TPD52L2: variants seen among roughly 807,000 people sequenced by gnomAD.
TPD52L2 encodes the protein tumor protein D54.
TPD52L2 carries 19 observed loss-of-function variants against 24.7 expected under a neutral mutation model. That is an observed-to-expected ratio of 0.77 (90% CI 0.54 to 1.13). TPD52L2 has a LOEUF of 1.13. Ranked by LOEUF, TPD52L2 falls within the 50% of genes most tolerant of loss-of-function variation. The pLI is 0.00. For synonymous variants in TPD52L2, 104 were observed against 100.2 expected (o/e 1.04, Z -0.23); for missense variants, 236 against 250.4 (o/e 0.94, Z 0.39).
intron 5 of TPD52L2, 77 bp downstream of exon 5, chr20:63,882,897 C>A: frequency 8.6e-7 from 1 of 1,168,408 alleles, no homozygotes; most frequent in Non-Finnish European, 1.2e-6. Context: ...CTACAGGAAG[C>A]CTGCCTGGAG....
rs763250438 is a variant in TPD52L2, at chr20:63,869,323, G to T, written c.47G>T (p.Gly16Val). The change falls in exon 2 of 7, where the codon GGT becomes GTT. Residue 16 changes from glycine to valine, a missense_variant. Transcript: ENST00000346249. ...QDINLNSPNK[G>V]LLSDSMTDVP... ...ATCAACCTGAATTCTCCTAACAAAGGTCTGCTGTCTGACTCCATGACGGAT... is the reference window on the plus strand; with the variant it reads ...ATCAACCTGAATTCTCCTAACAAAGTTCTGCTGTCTGACTCCATGACGGAT... 6.2e-7 allele frequency: 1 copy of T among 1,614,200 alleles called. No homozygotes were observed. The highest frequency in any genetic ancestry group is 8.5e-7 in the Non-Finnish European group (1 of 1,180,046).
intron 1 of TPD52L2, among the ~76,000 whole-genome samples, chr20:63,868,741 G>A (rs559071944): frequency 2.0e-5 from 3 of 152,330 alleles, no homozygotes; most frequent in African/African-American, 7.2e-5. Flanking sequence ...GTCGGGAATT[G>A]GAGACCAGCC....
At chr20:63,875,754 A>T in intron 3 of TPD52L2, 62 bp from the exon 4 acceptor site, 1 of 1,542,166 alleles carries the variant, frequency 6.5e-7, no homozygotes, top group Non-Finnish European at 9.0e-7. Flanking sequence ...CTTCACCTGC[A>T]GTTTGATGCC....
intron 5 of TPD52L2, chr20:63,887,348 A>C: frequency 1.5e-6 from 1 of 679,874 alleles, no homozygotes; most frequent in Admixed American, 2.1e-5. Context: ...TCCCAGTGCT[A>C]TGCGCTGGGC....
At chr20:63,866,635 G>C (rs187631495) in intron 1 of TPD52L2, among the ~76,000 whole-genome samples, 268 of 150,502 alleles carry the variant, frequency 1.8e-3, no homozygotes, top group African/African-American at 6.3e-3. Flanking sequence ...CTAATTTTTT[G>C]TATCTTTAGT....
chr20:63,881,287 G>T (rs2052887271), intron 4 of TPD52L2, among the ~76,000 whole-genome samples: 1 of 152,076 alleles, frequency 6.6e-6, no homozygotes. Context: ...CTTGAACCCG[G>T]AGGCGGAGGT....
chr20:63,887,424 T>A lies in TPD52L2; in HGVS notation c.477-1766T>A, dbSNP rs112156967. 58 of 949,080 alleles carry A rather than the reference T, an allele frequency of 6.1e-5. No individual in the cohort carries two copies. In the African/African-American group the frequency reaches 8.0e-4, roughly 13 times the overall value. 58.8% of individuals were successfully genotyped at this position (949,080 alleles called of 1,614,324 possible). The stretch of plus-strand genomic sequence containing the variant: ...GGTCGAGTTTCCTTCGGGGGCATTG[T>A]GTGGAGGGGCAGGCAGCTCGCTCCA... On this transcript the variant is annotated intron_variant, in intron 5 of 6. Transcript: ENST00000346249.
chr20:63,878,319 C>T (rs191021794), intron 4 of TPD52L2, among the ~76,000 whole-genome samples: 295 of 152,356 alleles, frequency 1.9e-3, no homozygotes, highest in Non-Finnish European at 3.4e-3. Context: ...AATGCGAGAG[C>T]AGCTGTGTTC....
chr20:63,887,404 A>T, intron 5 of TPD52L2: 1 of 850,994 alleles, frequency 1.2e-6, no homozygotes, highest in Admixed American at 1.7e-5. Flanking sequence ...CCTGGGGTCG[A>T]GTTTCCTTCG....
At chr20:63,876,685 G>C (rs1390371491) in intron 4 of TPD52L2, 1 of 440,820 alleles carries the variant, frequency 2.3e-6, no homozygotes, top group Non-Finnish European at 4.6e-6. Context: ...GGAAGCAGTT[G>C]CTGCCGAGCT....
chr20:63,880,916 T>C (rs2052871141), intron 4 of TPD52L2, among the ~76,000 whole-genome samples: 1 of 151,342 alleles, frequency 6.6e-6, no homozygotes, highest in Non-Finnish European at 1.5e-5. Flanking sequence ...AGAATTTGTG[T>C]TTTTGAAACT....
chr20:63,886,234 AG>A (rs1246493898), intron 5 of TPD52L2, among the ~76,000 whole-genome samples: 1 of 152,140 alleles, frequency 6.6e-6, no homozygotes, highest in African/African-American at 2.4e-5. Flanking sequence ...ATCGACGCAG[AG>A]GCCCCCCGGA....
At chr20:63,889,259 T>G (rs1269683317) in intron 6 of TPD52L2, 21 bp downstream of exon 6, 2 of 1,608,696 alleles carry the variant, frequency 1.2e-6, no homozygotes, top group South Asian at 2.2e-5. Context: ...CTGGACTGTT[T>G]GATGGTCTTG....
At chr20:63,875,376 G>A (rs2052632651) in intron 3 of TPD52L2, among the ~76,000 whole-genome samples, 1 of 152,118 alleles carries the variant, frequency 6.6e-6, no homozygotes, top group Non-Finnish European at 1.5e-5. Flanking sequence ...TGGGGTGGCT[G>A]TGGAATGTTT....
chr20:63,885,480 G>A (rs2053057328), intron 5 of TPD52L2, among the ~76,000 whole-genome samples: 1 of 152,218 alleles, frequency 6.6e-6, no homozygotes, highest in South Asian at 2.1e-4. Context: ...GGCGTCTGTG[G>A]GCACGGATGG....
chr20:63,885,829 G>A (rs576299889), intron 5 of TPD52L2, among the ~76,000 whole-genome samples: 3 of 152,322 alleles, frequency 2.0e-5, no homozygotes, highest in South Asian at 4.1e-4. Context: ...GAGGAGACTG[G>A]AGACAGTGCT....
chr20:63,887,439 A>C, intron 5 of TPD52L2: 81 of 1,007,048 alleles, frequency 8.0e-5, no homozygotes, highest in Non-Finnish European at 1.1e-4. Context: ...AGGGGCAGGC[A>C]GCTCGCTCCA....
intron 2 of TPD52L2, among the ~76,000 whole-genome samples, chr20:63,872,371 CTG>C (rs1374868787): frequency 6.6e-6 from 1 of 152,052 alleles, no homozygotes; most frequent in Non-Finnish European, 1.5e-5. Context: ...AGGATCCTCA[CTG>C]TTTTTTGTTT....
At chr20:63,879,457 C>A (rs1600816777) in intron 4 of TPD52L2, among the ~76,000 whole-genome samples, 1 of 151,866 alleles carries the variant, frequency 6.6e-6, no homozygotes, top group East Asian at 1.9e-4. Flanking sequence ...TCATTCCGAT[C>A]CTCCTTGTGT....
Sources: allele counts gnomAD v4.1 joint callset (sites outside exome capture counted in the v4.1 genomes callset), GRCh38; gene constraint gnomAD v4.1.1; transcripts MANE v1.5; gene names NCBI Gene and HGNC (gene_info 2026-07-23, HGNC 2026-07-21).